COPS4: variants seen among roughly 807,000 people sequenced by gnomAD.
COPS4 encodes the protein COP9 signalosome subunit 4.
COPS4 carries 8 observed loss-of-function variants against 55.1 expected under a neutral mutation model. The ratio of observed to expected loss-of-function variants is 0.15; its 90% CI spans 0.09 to 0.26. The LOEUF is 0.26. COPS4 is among the 10% of genes least tolerant of loss of function. The pLI is 1.00. For missense variants in COPS4, 248 were observed against 484.0 expected (o/e 0.51, Z 4.58); for synonymous variants, 185 against 165.7 (o/e 1.12, Z -0.90).
chr4:83,063,252 G>C lies in COPS4; in HGVS notation c.886+6G>C. 1 of 1,611,338 alleles carries C rather than the reference G, an allele frequency of 6.2e-7. No individual in the cohort carries two copies. The highest frequency in any genetic ancestry group is 8.5e-7 in the Non-Finnish European group (1 of 1,178,610). ...AAAAGCAACTACAGCTGATGGTAAT[G>C]ATCCTGTCTTATGTGTATATGGTAG... On this transcript the variant is annotated splice_donor_region_variant and intron_variant, in intron 7 of 9. Transcript: ENST00000264389.
chr4:83,055,434 T>G (rs1730990074), intron 4 of COPS4, among the ~76,000 whole-genome samples: 1 of 131,594 alleles, frequency 7.6e-6, no homozygotes, highest in Admixed American at 9.1e-5. Flanking sequence ...ATTATAACTA[T>G]ACAGTATTCT....
At chr4:83,045,343 A>G (rs1456441482) in intron 1 of COPS4, among the ~76,000 whole-genome samples, 1 of 152,198 alleles carries the variant, frequency 6.6e-6, no homozygotes, top group African/African-American at 2.4e-5. Context: ...CAGTAACAGA[A>G]TTATAGATTC....
intron 8 of COPS4, among the ~76,000 whole-genome samples, chr4:83,066,760 G>T (rs146031087): frequency 1.3e-5 from 2 of 152,162 alleles, no homozygotes; most frequent in African/African-American, 2.4e-5. Context: ...TAGTGGAATT[G>T]TCTTAGTGTT....
At chr4:83,041,101 C>T (rs1222369135) in intron 1 of COPS4, among the ~76,000 whole-genome samples, 3 of 139,716 alleles carry the variant, frequency 2.1e-5, no homozygotes, top group Admixed American at 7.7e-5. Context: ...CTCACTCTGT[C>T]GCCCAGGCTG....
intron 1 of COPS4, 152 bp from the exon 2 acceptor site, chr4:83,045,473 TA>T (rs1013086539): frequency 6.0e-4 from 283 of 471,176 alleles, no homozygotes; most frequent in South Asian, 1.7e-3. Flanking sequence ...ACTAGAAACT[TA>T]AAAAAAAATC....
chr4:83,048,772 G>C (rs559400206), intron 2 of COPS4, among the ~76,000 whole-genome samples: 1 of 152,022 alleles, frequency 6.6e-6, no homozygotes, highest in East Asian at 1.9e-4. Context: ...CTCCTGAGTA[G>C]CTGGGACTAC....
intron 9 of COPS4, among the ~76,000 whole-genome samples, chr4:83,071,716 GC>G: frequency 6.6e-6 from 1 of 150,922 alleles, no homozygotes; most frequent in Non-Finnish European, 1.5e-5. Flanking sequence ...ATTGTGCCTG[GC>G]TTTTTTTTTT....
intron 2 of COPS4, among the ~76,000 whole-genome samples, 169 bp downstream of exon 2, chr4:83,045,874 C>G (rs1304452076): frequency 6.6e-6 from 1 of 152,094 alleles, no homozygotes; most frequent in Non-Finnish European, 1.5e-5. Context: ...GAATTATCTT[C>G]AGAATTACAA....
chr4:83,040,034 T>TA (rs1730518351), intron 1 of COPS4, among the ~76,000 whole-genome samples: 1 of 152,232 alleles, frequency 6.6e-6, no homozygotes, highest in Non-Finnish European at 1.5e-5. Context: ...CTAGGCCTCT[T>TA]ACTCTGTCTT....
Position 83,049,151 on chromosome 4 carries a change from T to A in COPS4, c.155-15T>A, listed in dbSNP as rs777998631. 2 of 1,581,500 alleles carry A rather than the reference T, an allele frequency of 1.3e-6. No individual in the cohort carries two copies. Among genetic ancestry groups the A allele is most frequent in the African/African-American group, 2.8e-5 (2 of 72,392 alleles). ...CAGCTCATGTTTTCTTATCTTTTTT[T>A]TTTTTTTAAACAAGTGGTAAATGAG... On this transcript the variant is annotated splice_polypyrimidine_tract_variant and intron_variant, in intron 2 of 9. Coordinates refer to ENST00000264389, the MANE Select transcript of COPS4 (RefSeq NM_016129.3).
At chr4:83,037,017 A>G (rs780954634) in intron 1 of COPS4, among the ~76,000 whole-genome samples, 6 of 152,214 alleles carry the variant, frequency 3.9e-5, no homozygotes, top group South Asian at 2.1e-4. Flanking sequence ...TAAAACAACT[A>G]TGATTTCTCA....
intron 7 of COPS4, 81 bp from the exon 8 acceptor site, chr4:83,066,357 A>G: frequency 1.5e-6 from 1 of 653,232 alleles, no homozygotes; most frequent in Non-Finnish European, 2.6e-6. Flanking sequence ...TTACGTGCCT[A>G]GACATTTTCA....
chr4:83,049,852 T>C, intron 3 of COPS4, 29 bp from the exon 4 acceptor site: 1 of 1,295,728 alleles, frequency 7.7e-7, no homozygotes, highest in Admixed American at 2.4e-5. Flanking sequence ...TCAGTTGAAA[T>C]AATTTGACAT....
Position 83,063,147 on chromosome 4 carries a change from A to G in COPS4, c.787A>G (p.Ile263Val). ...ERCQQLAAYG[I>V]LEKMYLDRII... is the part of the protein sequence containing the mutation. ...GTGCCAGCAACTTGCTGCCTATGGG[A>G]TCCTAGAGAAAATGTATCTAGATAG... The change falls in exon 7 of 10, where the codon ATC becomes GTC. Residue 263 changes from isoleucine (I) to valine (V), a missense_variant. Physicochemically the swap from Ile to Val is conservative, Grantham distance 29 (BLOSUM62 3). Around this residue, in one of 4 missense-constraint regions of COPS4, gnomAD observed 155 missense variants for 326.6 expected, o/e 0.47. Transcript: ENST00000264389. The G allele has an allele frequency of 6.2e-7, 1 of 1,611,616 alleles. No individual in the cohort carries two copies. Among genetic ancestry groups the G allele is most frequent in the Non-Finnish European group, 8.5e-7 (1 of 1,179,182 alleles).
chr4:83,074,951 T>C (rs1731535636), intron 9 of COPS4, among the ~76,000 whole-genome samples: 1 of 151,780 alleles, frequency 6.6e-6, no homozygotes, highest in African/African-American at 2.4e-5. Context: ...TGAAACCCCA[T>C]CTCTACTAGA....
At chr4:83,039,825 T>TG (rs1171795183) in intron 1 of COPS4, among the ~76,000 whole-genome samples, 2 of 152,152 alleles carry the variant, frequency 1.3e-5, no homozygotes, top group South Asian at 2.1e-4. Context: ...TTGGTACAGA[T>TG]GGGGTCTCCC....
intron 4 of COPS4, among the ~76,000 whole-genome samples, chr4:83,053,606 T>C (rs982643115): frequency 5.3e-5 from 8 of 152,056 alleles, no homozygotes; most frequent in South Asian, 2.1e-4. Flanking sequence ...ATTGGGAGGC[T>C]GAGGTGGGCA....
At chr4:83,035,363 T>G (rs1359740822) in intron 1 of COPS4, 65 bp downstream of exon 1, 5 of 1,317,906 alleles carry the variant, frequency 3.8e-6, no homozygotes, top group African/African-American at 2.9e-5. Flanking sequence ...CTTAATCTCC[T>G]TAGGTTGGCC....
intron 6 of COPS4, 114 bp from the exon 7 acceptor site, chr4:83,062,962 A>G: frequency 3.6e-6 from 3 of 841,552 alleles, no homozygotes; most frequent in South Asian, 1.9e-5. Context: ...TGAATAATGA[A>G]TACTGGCTGT....
Sources: gnomAD v4.1 joint callset for allele counts (sites outside exome capture counted in the v4.1 genomes callset) on GRCh38, gnomAD v4.1.1 for gene constraint, gnomAD v4.1.1 regional missense constraint, MANE v1.5 for transcripts, NCBI Gene and HGNC (gene_info 2026-07-23, HGNC 2026-07-21) for gene names.